Variants in ANKRD26 observed in about 807,000 individuals in gnomAD.
The protein encoded by ANKRD26 is ankyrin repeat domain-containing protein 26.
ANKRD26 carries 141 observed loss-of-function variants against 208.7 expected under a neutral mutation model. That is an observed-to-expected ratio of 0.68 (90% CI 0.59 to 0.78). ANKRD26 has a LOEUF of 0.78. Ranked by LOEUF, ANKRD26 falls within the 30% of genes least tolerant of loss-of-function variation. The pLI is 0.00. For missense variants in ANKRD26, 1,889 were observed against 1,938.7 expected (o/e 0.97, Z 0.48); for synonymous variants, 636 against 660.4 (o/e 0.96, Z 0.57).
At chr10:26,992,489 C>CAA (rs936406379) in intron 5 of ANKRD26, among the ~76,000 whole-genome samples, 3 of 150,296 alleles carry the variant, frequency 2.0e-5, no homozygotes, top group Admixed American at 2.0e-4. Context: ...CACACACACA[C>CAA]ACACACACAC....
chr10:26,957,920 C>G, the ANKRD26 span, among the ~76,000 whole-genome samples: 6 of 152,138 alleles, frequency 3.9e-5, no homozygotes, highest in Admixed American at 3.9e-4. Flanking sequence ...ATTAGGAGGA[C>G]TTTTAAGGGT....
At chr10:27,000,760 T>C (rs141544651), downstream of ANKRD26, among the ~76,000 whole-genome samples, 4 of 152,264 alleles carry the variant, frequency 2.6e-5, no homozygotes, top group Admixed American at 6.5e-5. Context: ...TCCCAGCACT[T>C]TGGGAGGCCG....
intron 29 of ANKRD26, among the ~76,000 whole-genome samples, chr10:27,021,161 T>G (rs36068675): frequency 0.094 from 14,268 of 152,250 alleles, 794 homozygotes; most frequent in East Asian, 0.28. Context: ...TTTATGTATC[T>G]GTATACACCA....
the ANKRD26 span, among the ~76,000 whole-genome samples, chr10:26,947,655 T>C: frequency 6.6e-6 from 1 of 152,214 alleles, no homozygotes; most frequent in Non-Finnish European, 1.5e-5. Flanking sequence ...TAGAGCCAAA[T>C]TCTCAGTGAG....
chr10:27,037,206 G>C lies in ANKRD26; in HGVS notation c.2677C>G (p.Gln893Glu), dbSNP rs376457164. Residue 893 changes from glutamine (Q) to glutamate (E), a missense_variant, in exon 23 of 34, where the codon CAA (glutamine) becomes GAA (glutamate). Transcript: ENST00000376087. ...AATACCTCAGAATTCATTTTCTTTT[G>C]AGCCATTTCAATCTCCTTTTGTTTG... Reference protein sequence around the residue: ...LSKQKEIEMAQKKMNSENSHS... With the variant: ...LSKQKEIEMAEKKMNSENSHS... 3.1e-6 allele frequency: 5 copies of C among 1,613,448 alleles called. No individual in the cohort carries two copies. In the African/African-American group the frequency reaches 5.3e-5, roughly 17 times the overall value.
At chr10:26,965,836 A>G in the ANKRD26 span, among the ~76,000 whole-genome samples, 1 of 152,140 alleles carries the variant, frequency 6.6e-6, no homozygotes, top group African/African-American at 2.4e-5. Context: ...TGAACAGACA[A>G]TTCTTAAAAG....
At chr10:26,950,571 G>A in the ANKRD26 span, among the ~76,000 whole-genome samples, 4 of 152,254 alleles carry the variant, frequency 2.6e-5, no homozygotes, top group African/African-American at 7.2e-5. Context: ...GAGATCTGTT[G>A]TTTAAAAGTG....
intron 9 of ANKRD26, among the ~76,000 whole-genome samples, chr10:27,070,606 C>G (rs11015502): frequency 0.086 from 12,982 of 151,364 alleles, 683 homozygotes; most frequent in African/African-American, 0.15. Context: ...AGCTTCCTGA[C>G]GAGAATATAA....
intron 32 of ANKRD26, among the ~76,000 whole-genome samples, chr10:27,009,077 G>A (rs935667731): frequency 1.3e-5 from 2 of 152,144 alleles, no homozygotes; most frequent in African/African-American, 4.8e-5. Flanking sequence ...CTGACCTCGT[G>A]ATCCGCCCAC....
downstream of ANKRD26, among the ~76,000 whole-genome samples, chr10:27,001,183 C>T (rs545041641): frequency 6.6e-5 from 10 of 152,132 alleles, no homozygotes; most frequent in South Asian, 6.2e-4. Context: ...CTGAACATTT[C>T]GGTTCAAAAG....
chr10:27,044,493 A>G (rs1006356460), intron 18 of ANKRD26, among the ~76,000 whole-genome samples: 1 of 152,070 alleles, frequency 6.6e-6, no homozygotes, highest in Non-Finnish European at 1.5e-5. Flanking sequence ...TGTTACTTGC[A>G]TTATTCAATA....
chr10:27,003,921 A>C (rs150161165), downstream of ANKRD26, among the ~76,000 whole-genome samples: 1 of 152,274 alleles, frequency 6.6e-6, no homozygotes, highest in African/African-American at 2.4e-5. Flanking sequence ...CCCATCTTGA[A>C]TTTTCCTCGG....
intron 5 of ANKRD26, among the ~76,000 whole-genome samples, 174 bp downstream of exon 5, chr10:27,086,365 T>A (rs1034257222): frequency 6.6e-6 from 1 of 152,204 alleles, no homozygotes; most frequent in African/African-American, 2.4e-5. Flanking sequence ...AATATCTACA[T>A]GTAACTTCTT....
chr10:27,078,795 T>C (rs2055793648), intron 7 of ANKRD26, among the ~76,000 whole-genome samples: 1 of 151,974 alleles, frequency 6.6e-6, no homozygotes, highest in South Asian at 2.1e-4. Flanking sequence ...TCCTCTATTG[T>C]AGGAAAACTT....
At chr10:27,065,022 G>A (rs1213766609) in intron 11 of ANKRD26, among the ~76,000 whole-genome samples, 3 of 152,156 alleles carry the variant, frequency 2.0e-5, no homozygotes, top group African/African-American at 7.2e-5. Context: ...ATGATGAACA[G>A]ATTTGAAGAT....
chr10:26,958,762 A>C, the ANKRD26 span, among the ~76,000 whole-genome samples: 1 of 151,756 alleles, frequency 6.6e-6, no homozygotes, highest in Non-Finnish European at 1.5e-5. Context: ...ACAGTGCTGC[A>C]ATGAACATAC....
chr10:27,091,380 T>C (rs2056295260), intron 4 of ANKRD26, among the ~76,000 whole-genome samples: 1 of 152,204 alleles, frequency 6.6e-6, no homozygotes. Context: ...CTATGGCTTG[T>C]CTTCAATAAA....
rs569663399 is a variant in ANKRD26 at position 26,997,713 on chromosome 10, C to T, written c.563-2566G>A. 1.8e-4 allele frequency among the ~76,000 whole-genome samples: 28 copies of T among 152,290 alleles called. No homozygotes were observed. The South Asian group carries it at 5.2e-3, about 28-fold the overall frequency. The stretch of plus-strand genomic sequence containing the variant: ...GGCCTTTGGAATGTGTCTGGACTTG[C>T]TGGCTTCTTGCTTCTAGCACTCCCA... On this transcript the variant is annotated intron_variant, in intron 4 of 5. Transcript: ENST00000445828.
In ANKRD26 at chr10:27,100,244, C is replaced by A. The variant is rs773171424; in HGVS notation, c.83G>T (p.Gly28Val). ...CGAGTAGGCGCCCTCCCCCGGCTCG[C>A]CCCCGCCTCCCGCGCTGCTCCTCTG... ...RRQRSSAGGG[G>V]EPGEGAYSQP... Residue 28 changes from glycine (G) to valine (V), a missense_variant, in exon 1 of 34, where the codon GGC (glycine) becomes GTC (valine). Physicochemically the swap from Gly to Val is moderately radical, Grantham distance 109. Transcript: ENST00000376087. 8.1e-6 allele frequency: 13 copies of A among 1,611,296 alleles called. No homozygotes were observed. The highest frequency in any genetic ancestry group is 6.7e-5 in the Admixed American group (4 of 59,964).
Sources: allele counts gnomAD v4.1 joint callset (sites outside exome capture counted in the v4.1 genomes callset), GRCh38; gene constraint gnomAD v4.1.1; transcripts MANE v1.5; gene names NCBI Gene and HGNC (gene_info 2026-07-23, HGNC 2026-07-21).